The following CAPN13 variants were observed in gnomAD, a reference collection of about 807,000 sequenced individuals.
CAPN13 encodes the protein calpain 13, also known as calpain-13.
CAPN13 carries 90 observed loss-of-function variants against 98.4 expected under a neutral mutation model. The ratio of observed to expected loss-of-function variants is 0.92; its 90% CI spans 0.77 to 1.09. The LOEUF (loss-of-function observed/expected upper bound fraction) is 1.09. Ranked by LOEUF, CAPN13 falls within the 50% of genes least tolerant of loss-of-function variation. The pLI is 0.00. For synonymous variants in CAPN13, 330 were observed against 305.5 expected, an observed-to-expected ratio of 1.08 and a Z score of -0.84; for missense variants, 887 against 841.3, an observed-to-expected ratio of 1.05 and a Z score of -0.67.
chr2:30,800,584 A>G (rs528053259), intron 1 of CAPN13, among the ~76,000 whole-genome samples: 111 of 152,304 alleles, frequency 7.3e-4, no homozygotes, highest in African/African-American at 2.6e-3. Flanking sequence ...TTGGAACACT[A>G]AGGAGGTTGG....
At chr2:30,745,886 C>G (rs978512049) in intron 11 of CAPN13, among the ~76,000 whole-genome samples, 152 bp from the exon 12 acceptor site, 3 of 144,344 alleles carry the variant, frequency 2.1e-5, no homozygotes, top group Non-Finnish European at 4.5e-5. Flanking sequence ...TCTGTTATGC[C>G]ATAAAGCATT....
At chr2:30,731,294 G>T in intron 21 of CAPN13, 50 bp downstream of exon 21, 1 of 1,525,516 alleles carries the variant, frequency 6.6e-7, no homozygotes, top group South Asian at 1.2e-5. Flanking sequence ...ATCAAGTCAG[G>T]GGAGGCAGCC....
chr2:30,732,051 T>TA (rs1671125593), intron 20 of CAPN13, among the ~76,000 whole-genome samples: 1 of 152,132 alleles, frequency 6.6e-6, no homozygotes, highest in Non-Finnish European at 1.5e-5. Context: ...TTCTGAAGCC[T>TA]GGGGAGGGAC....
intron 22 of CAPN13, among the ~76,000 whole-genome samples, chr2:30,726,927 A>C (rs1670878261): frequency 6.6e-6 from 1 of 152,172 alleles, no homozygotes; most frequent in Non-Finnish European, 1.5e-5. Flanking sequence ...GAAAACTCAC[A>C]CTTCCTAATT....
intron 4 of CAPN13, among the ~76,000 whole-genome samples, chr2:30,773,713 C>T (rs1008944027): frequency 9.9e-5 from 15 of 152,152 alleles, no homozygotes; most frequent in African/African-American, 3.6e-4. Flanking sequence ...GCCAGAGCAC[C>T]TGAAAGCATA....
At chr2:30,754,420 C>A in intron 8 of CAPN13, 56 bp from the exon 9 acceptor site, 1 of 1,477,926 alleles carries the variant, frequency 6.8e-7, no homozygotes, top group South Asian at 1.3e-5. Flanking sequence ...TTTTTCTCAA[C>A]CATGTGTGGG....
chr2:30,734,824 G>A (rs1457121204), intron 18 of CAPN13, among the ~76,000 whole-genome samples: 2 of 152,180 alleles, frequency 1.3e-5, no homozygotes, highest in South Asian at 2.1e-4. Flanking sequence ...AAGAGTTTGC[G>A]TAGGGTAGTG....
intron 2 of CAPN13, among the ~76,000 whole-genome samples, chr2:30,785,265 A>T (rs1321817988): frequency 2.0e-5 from 3 of 152,150 alleles, no homozygotes; most frequent in Admixed American, 1.3e-4. Flanking sequence ...TAATCATGTC[A>T]CCTTGGCATA....
Position 30,746,573 on chromosome 2 carries a change from C to A in CAPN13, c.1237-839G>T. On this transcript the variant is annotated intron_variant, in intron 11 of 22. Transcript: ENST00000295055. The stretch of plus-strand genomic sequence containing the variant: ...CATGGCTCTTGCAGCCTGAGGATGT[C>A]AGCCCACACATCTCCCCATGCTTGT... 1.7e-5 allele frequency: 3 copies of A among 178,334 alleles called. No individual in the cohort carries two copies. The South Asian group carries it at 3.9e-4, about 23-fold the overall frequency. 11.0% of individuals were successfully genotyped at this position (178,334 alleles called of 1,614,324 possible). A position where few individuals can be genotyped will look rare whatever the true frequency, so the allele number is the denominator to read the frequency against.
intron 22 of CAPN13, among the ~76,000 whole-genome samples, chr2:30,724,911 T>C (rs1453433957): frequency 1.3e-5 from 2 of 151,504 alleles, no homozygotes; most frequent in African/African-American, 4.9e-5. Context: ...CAGAAAATGG[T>C]TGTTGGTCTC....
intron 3 of CAPN13, 96 bp downstream of exon 3, chr2:30,777,471 C>A (rs548737260): frequency 1.2e-5 from 13 of 1,092,782 alleles, no homozygotes; most frequent in East Asian, 5.2e-5. Context: ...AGGGAACTGG[C>A]CTTTCTCCCT....
At chr2:30,803,431 G>A (rs1675415579) in intron 1 of CAPN13, among the ~76,000 whole-genome samples, 1 of 152,194 alleles carries the variant, frequency 6.6e-6, no homozygotes, top group African/African-American at 2.4e-5. Flanking sequence ...CACAGGCATG[G>A]GAGGTGGACA....
chr2:30,771,385 A>G (rs537549942), intron 4 of CAPN13, among the ~76,000 whole-genome samples: 17 of 152,322 alleles, frequency 1.1e-4, no homozygotes, highest in African/African-American at 3.8e-4. Flanking sequence ...GATGTCCCAG[A>G]TGTCAGGCTG....
intron 1 of CAPN13, among the ~76,000 whole-genome samples, chr2:30,795,290 G>A (rs893477214): frequency 6.6e-6 from 1 of 152,032 alleles, no homozygotes; most frequent in Non-Finnish European, 1.5e-5. Flanking sequence ...ACAAGGAGTA[G>A]AATTTTTGGG....
rs144933036 is a variant in CAPN13 at position 30,784,701 on chromosome 2, G to A, written c.198+2427C>T. ...ACATGGTGTTAGGAGCTCAGGTCTT[G>A]GAACCAGACTCCTGGGTTCAAATTC... is the stretch of plus-strand genomic sequence containing the variant. On this transcript the variant is annotated intron_variant, in intron 2 of 22. Coordinates refer to ENST00000295055, the MANE Select transcript of CAPN13 (RefSeq NM_144575.3). Among the ~76,000 whole-genome samples the A allele has an allele frequency of 1.1e-3, 166 of 152,280 alleles. 1 individual carries two copies. Among genetic ancestry groups the A allele is most frequent in the Non-Finnish European group, 1.7e-3 (113 of 68,020 alleles).
chr2:30,790,161 C>A (rs1291017220), intron 1 of CAPN13, among the ~76,000 whole-genome samples: 1 of 152,180 alleles, frequency 6.6e-6, no homozygotes, highest in Non-Finnish European at 1.5e-5. Flanking sequence ...TCAGGAAGGG[C>A]CCACAACACC....
At chr2:30,753,738 A>T (rs1468514096) in intron 9 of CAPN13, among the ~76,000 whole-genome samples, 1 of 152,134 alleles carries the variant, frequency 6.6e-6, no homozygotes, top group African/African-American at 2.4e-5. Context: ...GCTAATTTCC[A>T]TTGAAATGCA....
chr2:30,761,424 C>G (rs11679542), intron 7 of CAPN13, among the ~76,000 whole-genome samples: 3,551 of 152,258 alleles, frequency 0.023, 71 homozygotes, highest in Non-Finnish European at 0.034. Context: ...CCCGAGCTCC[C>G]CTTTGTCACC....
At chr2:30,731,196 A>G (rs1200992218) in intron 21 of CAPN13, 148 bp downstream of exon 21, 4 of 644,016 alleles carry the variant, frequency 6.2e-6, no homozygotes, top group East Asian at 3.0e-5. Context: ...CCAGCGATAT[A>G]TAAGGCAGTA....
Sources: gnomAD v4.1 joint callset for allele counts (sites outside exome capture counted in the v4.1 genomes callset) on GRCh38, gnomAD v4.1.1 for gene constraint, MANE v1.5 for transcripts, NCBI Gene and HGNC (gene_info 2026-07-23, HGNC 2026-07-21) for gene names.